DKC1: variants seen among roughly 807,000 people sequenced by gnomAD.
DKC1 encodes the protein dyskerin pseudouridine synthase 1.
Under a neutral mutation model 46.7 loss-of-function variants are expected in DKC1, and 4 were observed. The observed-to-expected ratio is 0.09, with a 90% CI of 0.04 to 0.20. The LOEUF (loss-of-function observed/expected upper bound fraction) is 0.20, where lower values mean the gene tolerates loss of function less well. Among genes scored for constraint, DKC1 ranks in the 10% least tolerant of loss-of-function variants. The pLI is 1.00. For missense variants in DKC1, 171 were observed against 404.2 expected, an observed-to-expected ratio of 0.42 and a Z score of 4.95; for synonymous variants, 141 against 142.4, an observed-to-expected ratio of 0.99 and a Z score of 0.07.
At chrX:154,776,711 CTG>C (rs1256631721) in intron 14 of DKC1, 86 bp from the exon 15 acceptor site, 2 of 947,912 alleles carry the variant, frequency 2.1e-6, no homozygotes, top group Non-Finnish European at 3.0e-6. Context: ...GCTTGCTTGA[CTG>C]TGGACCTTTA....
At chrX:154,764,746 C>T (rs2071724814) in intron 1 of DKC1, among the ~76,000 whole-genome samples, 153 bp from the exon 2 acceptor site, 1 of 111,677 alleles carries the variant, frequency 9.0e-6, no homozygotes, top group Non-Finnish European at 1.9e-5. Context: ...CCATCACATA[C>T]GCAGTCTGTA....
intron 13 of DKC1, 130 bp downstream of exon 13, chrX:154,775,403 C>G: frequency 1.5e-6 from 1 of 653,282 alleles, no homozygotes; most frequent in Non-Finnish European, 2.5e-6. Context: ...GCAGCGCATA[C>G]ACAGGTAATG....
chrX:154,766,746 T>C (rs918421223), intron 5 of DKC1, among the ~76,000 whole-genome samples: 1 of 111,555 alleles, frequency 9.0e-6, no homozygotes, highest in Non-Finnish European at 1.9e-5. Flanking sequence ...CTTGCAAGGC[T>C]TTTTCCACGC....
intron 10 of DKC1, among the ~76,000 whole-genome samples, chrX:154,771,802 C>T (rs782643502): frequency 2.9e-4 from 32 of 112,015 alleles, no homozygotes; most frequent in African/African-American, 9.7e-4. Flanking sequence ...ATGGGCACTT[C>T]GGTTGCTTCC....
At chrX:154,771,222 C>T (rs1258220256) in intron 10 of DKC1, among the ~76,000 whole-genome samples, 168 of 76,168 alleles carry the variant, frequency 2.2e-3, no homozygotes, top group African/African-American at 8.9e-3. Flanking sequence ...GACAGTCTTG[C>T]TCTTTTCACC....
At chrX:154,763,101 TCAC>T in intron 1 of DKC1, 120 bp downstream of exon 1, 1 of 898,572 alleles carries the variant, frequency 1.1e-6, no homozygotes, top group Non-Finnish European at 1.6e-6. Context: ...GTCGGCCTCT[TCAC>T]CGCCCGGCCT....
chrX:154,776,526 C>T (rs1424593835), intron 14 of DKC1, among the ~76,000 whole-genome samples: 1 of 111,539 alleles, frequency 9.0e-6, no homozygotes, highest in Non-Finnish European at 1.9e-5. Flanking sequence ...AGGCACCCGA[C>T]CTCTACCACT....
intron 4 of DKC1, 96 bp from the exon 5 acceptor site, chrX:154,766,120 G>T: frequency 9.9e-7 from 1 of 1,014,457 alleles, no homozygotes. Flanking sequence ...ACCTGTACCC[G>T]CAGTGAATTA....
Position 154,767,236 on chromosome X carries a change from TC to T in DKC1, c.514-19del. On this transcript the variant is annotated intron_variant, in intron 6 of 14. Coordinates refer to ENST00000369550, the MANE Select transcript of DKC1 (RefSeq NM_001363.5). ...GTACATTCTGATGAGGTGTTTGTTT[TC>T]ATTTGTGTTTGTTCTTAGGCCCTAG... is the stretch of plus-strand genomic sequence containing the variant. The T allele has an allele frequency of 8.3e-7, 1 of 1,211,773 alleles. No individual in the cohort carries two copies. Among genetic ancestry groups the T allele is most frequent in the South Asian group, 1.8e-5 (1 of 57,013 alleles).
At chrX:154,775,080 G>C in intron 12 of DKC1, 115 bp from the exon 13 acceptor site, 1 of 724,374 alleles carries the variant, frequency 1.4e-6, no homozygotes, top group Non-Finnish European at 2.2e-6. Context: ...GAGTTCTTCT[G>C]TCCAGCGTCA....
At chrX:154,776,370 C>T (rs782723412) in intron 14 of DKC1, 46 bp downstream of exon 14, 31 of 1,161,060 alleles carry the variant, frequency 2.7e-5, no homozygotes, top group South Asian at 3.8e-5. Flanking sequence ...TTAGTCCCTG[C>T]GTGGGGAAAG....
At chrX:154,774,115 G>T (rs1408254935) in intron 11 of DKC1, among the ~76,000 whole-genome samples, 2 of 112,499 alleles carry the variant, frequency 1.8e-5, no homozygotes, top group Non-Finnish European at 3.8e-5. Flanking sequence ...TCAGTCTAAT[G>T]AGGGGAAACA....
intron 3 of DKC1, 79 bp downstream of exon 3, chrX:154,765,609 C>G: frequency 1.2e-6 from 1 of 804,877 alleles, no homozygotes. Flanking sequence ...ATTGAGAATG[C>G]TTACTGCTGG....
At chrX:154,768,568 C>G (rs1557264523) in intron 8 of DKC1, 136 bp downstream of exon 8, 1 of 849,447 alleles carries the variant, frequency 1.2e-6, no homozygotes, top group Non-Finnish European at 1.8e-6. Context: ...CTTCCCTGTT[C>G]TGTTAATTAA....
At chrX:154,774,530 A>G (rs2071869860) in intron 11 of DKC1, 72 bp from the exon 12 acceptor site, 5 of 940,637 alleles carry the variant, frequency 5.3e-6, no homozygotes, top group Admixed American at 2.3e-5. Context: ...ACCTTGTTCT[A>G]TTCTTTGTAG....
chrX:154,766,490 A>C, intron 5 of DKC1, 90 bp downstream of exon 5: 1 of 878,358 alleles, frequency 1.1e-6, no homozygotes, highest in Non-Finnish European at 1.6e-6. Flanking sequence ...CTATTTCTTC[A>C]TTAAGAAAAA....
rs782772209 is a variant in DKC1, at chrX:154,768,683, TC to T, written c.771+252del. The T allele has an allele frequency of 1.7e-4, 76 of 457,264 alleles. No homozygotes were observed. In the East Asian group the frequency reaches 2.9e-3, roughly 17 times the overall value. The allele number at this position is 457,264 out of a possible 1,213,427, so 37.7% of individuals were successfully genotyped here. The stretch of plus-strand genomic sequence containing the variant: ...AAATGCCTGCTTGGGGTCTAATACT[TC>T]AACGGTTAAAGATGCCTGGAAGAGG... On this transcript the variant is annotated intron_variant, in intron 8 of 14. Transcript: ENST00000369550.
At position 154,776,193 on chromosome X, in the gene DKC1, C is replaced by T; in HGVS notation, c.1345C>T (p.Arg449Ter). ...CCAATTGCTTTCATCTCAGCGGAAG[C>T]GAGAGAGTGAGAGTGAAAGTGACGA... ...AEAAKTAKRKRESESESDETP... is the reference protein window; with the variant it reads ...AEAAKTAKRK Residue 449 changes from arginine (R) to a stop codon, truncating the protein, a stop_gained, in exon 14 of 15, where the codon CGA becomes TGA. Coordinates refer to ENST00000369550, the MANE Select transcript of DKC1 (RefSeq NM_001363.5). LOFTEE classifies it high-confidence loss of function. 8.3e-7 allele frequency: 1 copy of T among 1,211,452 alleles called. No individual in the cohort carries two copies. The highest frequency in any genetic ancestry group is 1.1e-6 in the Non-Finnish European group (1 of 895,135).
chrX:154,769,339 G>T (rs1354603591), intron 9 of DKC1, 29 bp downstream of exon 9: 1 of 1,192,658 alleles, frequency 8.4e-7, no homozygotes, highest in Non-Finnish European at 1.1e-6. Flanking sequence ...GTTTATATTT[G>T]GAAAGAACGT....
Sources: allele counts gnomAD v4.1 joint callset (sites outside exome capture counted in the v4.1 genomes callset), GRCh38; gene constraint gnomAD v4.1.1; transcripts MANE v1.5; gene names NCBI Gene and HGNC (gene_info 2026-07-23, HGNC 2026-07-21).